THRA: variants seen among roughly 807,000 people sequenced by gnomAD.
The protein encoded by THRA is thyroid hormone receptor alpha, also known as EAR-7.
A neutral mutation model predicts 45.0 loss-of-function variants in THRA; 13 were observed. The observed-to-expected ratio is 0.29, with a 90% CI of 0.19 to 0.46. THRA has a LOEUF of 0.46. Among genes scored for constraint, THRA ranks in the 20% least tolerant of loss-of-function variants. The pLI is 1.00. For missense variants in THRA, 278 were observed against 556.1 expected, an observed-to-expected ratio of 0.50 and a Z score of 5.03; for synonymous variants, 195 against 214.0, an observed-to-expected ratio of 0.91 and a Z score of 0.78.
chr17:40,085,564 C>T (rs894921228), intron 6 of THRA, among the ~76,000 whole-genome samples: 1 of 151,862 alleles, frequency 6.6e-6, no homozygotes, highest in African/African-American at 2.4e-5. Context: ...GAACTCCTGA[C>T]CTCAAGTGAT....
At chr17:40,083,235 A>G (rs1987209458) in intron 4 of THRA, among the ~76,000 whole-genome samples, 1 of 144,690 alleles carries the variant, frequency 6.9e-6, no homozygotes, top group Non-Finnish European at 1.5e-5. Context: ...CCTACGCCCA[A>G]TTTTTATACT....
At chr17:40,085,410 C>T (rs1433612447) in intron 6 of THRA, among the ~76,000 whole-genome samples, 3 of 151,988 alleles carry the variant, frequency 2.0e-5, no homozygotes, top group African/African-American at 7.3e-5. Context: ...CTCGGCTCAC[C>T]GCAACCTCCG....
rs1354583941 is a variant in THRA at position 40,084,601 on chromosome 17, T to C, written c.371-9T>C. On this transcript the variant is annotated splice_polypyrimidine_tract_variant and intron_variant, in intron 5 of 8. Coordinates refer to ENST00000450525, the MANE Select transcript of THRA (RefSeq NM_199334.5). ...CCATGCGTTAGACCTTGTGCCTCTC[T>C]GTTCACAGTGGTTCTAGATGACTCG... The C allele has an allele frequency of 1.2e-6, 2 of 1,613,780 alleles. No individual in the cohort carries two copies. The highest frequency in any genetic ancestry group is 1.7e-6 in the Non-Finnish European group (2 of 1,179,862).
At chr17:40,084,300 A>G in intron 5 of THRA, 1 of 503,528 alleles carries the variant, frequency 2.0e-6, no homozygotes, top group Non-Finnish European at 3.6e-6. Context: ...CCCCACTTCT[A>G]GATGAGACAG....
At chr17:40,064,179 G>T (rs61554907) in intron 1 of THRA, among the ~76,000 whole-genome samples, 17,510 of 152,098 alleles carry the variant, frequency 0.12, 1,175 homozygotes, top group African/African-American at 0.18. Flanking sequence ...GCACCGTGGA[G>T]CTCTGAGGGG....
At chr17:40,084,857 C>G (rs774473110) in intron 6 of THRA, 42 bp downstream of exon 6, 1 of 1,605,300 alleles carries the variant, frequency 6.2e-7, no homozygotes, top group South Asian at 1.1e-5. Flanking sequence ...AGCCAGGTGG[C>G]AGGGAGAAGA....
At chr17:40,073,453 G>T (rs1426064846) in intron 1 of THRA, among the ~76,000 whole-genome samples, 1 of 152,188 alleles carries the variant, frequency 6.6e-6, no homozygotes, top group Non-Finnish European at 1.5e-5. Context: ...TGAAGTTCTC[G>T]TGCCCTCTTT....
downstream of THRA, chr17:40,093,369 C>G: frequency 6.2e-7 from 1 of 1,611,004 alleles, no homozygotes; most frequent in Non-Finnish European, 8.5e-7. The surrounding 1 kb of genome is among the most constrained non-coding windows in gnomAD (Gnocchi z 5.9). Context: ...GCAGGCAATG[C>G]AGCCTCTCCC....
At chr17:40,093,309 C>T (rs200274062), downstream of THRA, 49 of 1,613,368 alleles carry the variant, frequency 3.0e-5, no homozygotes, top group Middle Eastern at 1.7e-4. This position sits in a 1 kb window ranked among gnomAD's most constrained non-coding sequence, Gnocchi z 5.9. Flanking sequence ...AGCAGTGAGG[C>T]GGACTCCCCG....
intron 1 of THRA, among the ~76,000 whole-genome samples, chr17:40,063,363 C>T (rs1272599051): frequency 6.6e-6 from 1 of 152,148 alleles, no homozygotes; most frequent in Non-Finnish European, 1.5e-5. Context: ...CCTGGAGGGC[C>T]CGCCCGGCCT....
intron 6 of THRA, among the ~76,000 whole-genome samples, chr17:40,086,044 C>T (rs1598396880): frequency 6.6e-6 from 1 of 152,116 alleles, no homozygotes. Flanking sequence ...CCTGGGAGGT[C>T]GAGGCTGCAG....
Position 40,074,251 on chromosome 17 carries a change from C to G in THRA, c.-238C>G, listed in dbSNP as rs1986873511. The G allele has an allele frequency of 2.7e-5, 15 of 557,730 alleles. No individual in the cohort carries two copies. Among genetic ancestry groups the G allele is most frequent in the South Asian group, 2.4e-4 (12 of 50,808 alleles). The allele number at this position is 557,730 out of a possible 1,614,324, so 34.5% of individuals were successfully genotyped here. A position where few individuals can be genotyped will look rare whatever the true frequency, so the allele number is the denominator to read the frequency against. On this transcript the variant is annotated 5_prime_UTR_variant, in exon 2 of 9. Transcript: ENST00000450525. ...CCCCCAGCACACAGCCCGGGACCCA[C>G]AAACCCAGCTTGCCCCCAGCCCTCC...
intron 1 of THRA, among the ~76,000 whole-genome samples, chr17:40,068,250 T>C (rs1191419308): frequency 1.3e-5 from 2 of 152,232 alleles, no homozygotes; most frequent in African/African-American, 4.8e-5. Context: ...CAATGGTTCC[T>C]GTCTCACTCA....
chr17:40,064,371 C>G (rs1017117625), intron 1 of THRA, among the ~76,000 whole-genome samples: 2 of 152,230 alleles, frequency 1.3e-5, no homozygotes, highest in African/African-American at 4.8e-5. Context: ...AGCACAATTA[C>G]AAAAGACCCT....
At chr17:40,078,590 A>G (rs921343454) in intron 4 of THRA, among the ~76,000 whole-genome samples, 3 of 152,170 alleles carry the variant, frequency 2.0e-5, no homozygotes, top group African/African-American at 7.2e-5. Context: ...GTGAGAGTGT[A>G]GTACGTACCT....
chr17:40,069,159 G>C (rs9893741), intron 1 of THRA, among the ~76,000 whole-genome samples: 41,733 of 126,430 alleles, frequency 0.33, 6,753 homozygotes, highest in Admixed American at 0.46. Flanking sequence ...CCCCCTCTCT[G>C]TCTCTCCCTC....
chr17:40,093,128 G>A (rs746674703), downstream of THRA: 1 of 1,614,120 alleles, frequency 6.2e-7, no homozygotes, highest in Non-Finnish European at 8.5e-7. This position sits in a 1 kb window ranked among gnomAD's most constrained non-coding sequence, Gnocchi z 5.9. Flanking sequence ...CGGAATGCAT[G>A]TTGTTCAGGG....
chr17:40,078,422 A>C (rs1284861711), intron 4 of THRA, among the ~76,000 whole-genome samples: 1 of 152,214 alleles, frequency 6.6e-6, no homozygotes, highest in Non-Finnish European at 1.5e-5. Flanking sequence ...TCAGGGCTGC[A>C]TTGAACGGTG....
chr17:40,079,640 G>A (rs1299285768), intron 4 of THRA, among the ~76,000 whole-genome samples: 1 of 152,112 alleles, frequency 6.6e-6, no homozygotes, highest in Non-Finnish European at 1.5e-5. Context: ...GGAGTCCAAG[G>A]CAGGCAGATC....
Sources: gnomAD v4.1 joint callset for allele counts (sites outside exome capture counted in the v4.1 genomes callset) on GRCh38, gnomAD v4.1.1 for gene constraint, Gnocchi (gnomAD v3.1) non-coding constraint, MANE v1.5 for transcripts, NCBI Gene and HGNC (gene_info 2026-07-23, HGNC 2026-07-21) for gene names.